The following ZMYM4 variants were observed in gnomAD, a reference collection of about 807,000 sequenced individuals.
ZMYM4 encodes zinc finger MYM-type containing 4.
In ZMYM4, 31 loss-of-function variants were observed where a neutral mutation model predicts 183.2. The observed-to-expected ratio is 0.17, with a 90% CI of 0.13 to 0.23. ZMYM4 has a LOEUF of 0.23. Ranked by LOEUF, ZMYM4 falls within the 10% of genes least tolerant of loss-of-function variation. The probability of loss-of-function intolerance (pLI) is 1.00; values close to 1 mark genes in which losing one functional copy is unlikely to be tolerated. For missense variants in ZMYM4, 1,273 were observed against 1,840.3 expected (o/e 0.69, Z 5.64); for synonymous variants, 592 against 631.2 (o/e 0.94, Z 0.93).
Position 35,387,446 on chromosome 1 carries a change from C to T in ZMYM4, c.2113-8C>T. On this transcript the variant is annotated splice_polypyrimidine_tract_variant and splice_region_variant and intron_variant, in intron 12 of 29. Transcript: ENST00000314607. Reference sequence around the variant, plus strand: ...TTTAATTAGTACTTAATGATTATTTCTTTGCAGGGCAAAATGTTTCAGTTC... The same window carrying T: ...TTTAATTAGTACTTAATGATTATTTTTTTGCAGGGCAAAATGTTTCAGTTC... 3 of 1,598,688 alleles carry T rather than the reference C, an allele frequency of 1.9e-6. No homozygotes were observed. Among genetic ancestry groups the T allele is most frequent in the Non-Finnish European group, 2.6e-6 (3 of 1,174,604 alleles).
At chr1:35,370,000 G>A (rs1222273779) in intron 5 of ZMYM4, 29 bp from the exon 6 acceptor site, 2 of 1,502,720 alleles carry the variant, frequency 1.3e-6, no homozygotes, top group Non-Finnish European at 1.8e-6. Context: ...TTTTCTCTAT[G>A]TATTTATTTA....
chr1:35,297,810 C>A (rs1641092858), intron 1 of ZMYM4, among the ~76,000 whole-genome samples: 1 of 152,180 alleles, frequency 6.6e-6, no homozygotes, highest in Non-Finnish European at 1.5e-5. Context: ...TATACTCAAG[C>A]CTAAGGACAC....
chr1:35,315,795 A>G (rs1362209486), intron 1 of ZMYM4, among the ~76,000 whole-genome samples: 1 of 152,024 alleles, frequency 6.6e-6, no homozygotes, highest in Non-Finnish European at 1.5e-5. Context: ...AATTCACTGG[A>G]TGTACCTGTA....
intron 26 of ZMYM4, among the ~76,000 whole-genome samples, chr1:35,410,695 A>G (rs1288032625): frequency 7.2e-6 from 1 of 138,254 alleles, no homozygotes; most frequent in Non-Finnish European, 1.5e-5. Flanking sequence ...GTTTCACAGT[A>G]TTAGCCAGGA....
rs199573548 is a variant in ZMYM4 at position 35,390,079 on chromosome 1, G to T, written c.2568G>T (p.Pro856=). 1.2e-6 allele frequency: 2 copies of T among 1,613,044 alleles called. No homozygotes were observed. The highest frequency in any genetic ancestry group is 3.3e-5 in the Admixed American group (2 of 59,888). The change falls in exon 15 of 30, where the codon CCG becomes CCT. Residue 856 remains proline (P), a synonymous_variant. Coordinates refer to ENST00000314607, the MANE Select transcript of ZMYM4 (RefSeq NM_005095.3). ...GTAATCAGCAAAGTGTATGTGACCCGCCTTCACAAAATAATGCAGGTAAAA... is the reference window on the plus strand; with the variant it reads ...GTAATCAGCAAAGTGTATGTGACCCTCCTTCACAAAATAATGCAGGTAAAA... ...MFCNQQSVCD[P]PSQNNAANIS... is the part of the protein sequence containing the mutation.
At chr1:35,302,777 T>A (rs1641350242) in intron 1 of ZMYM4, among the ~76,000 whole-genome samples, 1 of 152,022 alleles carries the variant, frequency 6.6e-6, no homozygotes, top group African/African-American at 2.4e-5. Context: ...AGCCTTGACC[T>A]CCTAAAGTGC....
intron 2 of ZMYM4, among the ~76,000 whole-genome samples, chr1:35,348,152 G>C (rs924794205): frequency 6.6e-6 from 1 of 152,148 alleles, no homozygotes; most frequent in Non-Finnish European, 1.5e-5. Flanking sequence ...GTACTTCAAA[G>C]TCATAATTTT....
intron 25 of ZMYM4, among the ~76,000 whole-genome samples, chr1:35,407,685 C>A (rs1163190229): frequency 6.6e-6 from 1 of 152,164 alleles, no homozygotes; most frequent in Non-Finnish European, 1.5e-5. Flanking sequence ...ACCTGTTTAA[C>A]TCTTCCTCAC....
intron 7 of ZMYM4, among the ~76,000 whole-genome samples, chr1:35,379,442 GCTAGACTCGTCTCCAACTC>G (rs1644403887): frequency 6.6e-6 from 1 of 152,104 alleles, no homozygotes; most frequent in South Asian, 2.1e-4. Flanking sequence ...CACCATGTTG[GCTAGACTCGTCTCCAACTC>G]CTGACCCCAG....
intron 9 of ZMYM4, among the ~76,000 whole-genome samples, chr1:35,384,377 T>C (rs1008255381): frequency 1.3e-5 from 2 of 152,214 alleles, no homozygotes; most frequent in Non-Finnish European, 2.9e-5. Flanking sequence ...ATATCAAGTT[T>C]TACAAATTGA....
At chr1:35,291,574 C>T (rs1640762354) in intron 1 of ZMYM4, among the ~76,000 whole-genome samples, 2 of 151,404 alleles carry the variant, frequency 1.3e-5, no homozygotes, top group Admixed American at 6.6e-5. Context: ...CTTTCTTTTC[C>T]CTTTTGTCTC....
At chr1:35,397,572 AAG>A in intron 20 of ZMYM4, 27 bp downstream of exon 20, 1 of 1,559,330 alleles carries the variant, frequency 6.4e-7, no homozygotes, top group Non-Finnish European at 8.6e-7. Flanking sequence ...AAAGTAAAGA[AAG>A]AAAAAACACG....
At chr1:35,294,667 T>C (rs1361136213) in intron 1 of ZMYM4, among the ~76,000 whole-genome samples, 2 of 152,210 alleles carry the variant, frequency 1.3e-5, no homozygotes, top group African/African-American at 4.8e-5. Context: ...CTTTTTCTTA[T>C]TCCAAATGCC....
chr1:35,347,802 A>G (rs573702417), intron 2 of ZMYM4, among the ~76,000 whole-genome samples: 1 of 152,308 alleles, frequency 6.6e-6, no homozygotes, highest in East Asian at 1.9e-4. Context: ...TGCTTCTGCA[A>G]TTATTGGCAA....
At chr1:35,279,087 T>C (rs538817626) in intron 1 of ZMYM4, among the ~76,000 whole-genome samples, 15 of 152,338 alleles carry the variant, frequency 9.8e-5, no homozygotes, top group Admixed American at 2.0e-4. Flanking sequence ...ATGGAGGCTC[T>C]GTCTGCAGCT....
At position 35,398,545 on chromosome 1, in the gene ZMYM4, A is replaced by G. The variant is rs905937249; in HGVS notation, c.3253+79A>G. 2.0e-5 allele frequency: 25 copies of G among 1,281,850 alleles called. No homozygotes were observed. The Admixed American group carries it at 2.0e-4, about 10-fold the overall frequency. 79.4% of individuals were successfully genotyped at this position (1,281,850 alleles called of 1,614,324 possible). ...ACCTATAAAATATTAGTACCCTTGG[A>G]TTTCATATTTGTAATTTTAACTATT... On this transcript the variant is annotated intron_variant, in intron 21 of 29. Transcript: ENST00000314607.
intron 2 of ZMYM4, among the ~76,000 whole-genome samples, chr1:35,356,399 C>T (rs1234025260): frequency 1.3e-5 from 2 of 152,076 alleles, no homozygotes; most frequent in Non-Finnish European, 2.9e-5. Flanking sequence ...AATGATGAAA[C>T]GTTGAGATGG....
At chr1:35,362,577 T>A (rs950576655) in intron 5 of ZMYM4, among the ~76,000 whole-genome samples, 3 of 152,252 alleles carry the variant, frequency 2.0e-5, no homozygotes, top group Admixed American at 6.5e-5. Context: ...ATGAATTGGC[T>A]CTTTTTCTGA....
In ZMYM4 at chr1:35,351,688, T is replaced by C. The variant is rs145811511; in HGVS notation, c.86-7237T>C. 33 of 482,206 alleles carry C rather than the reference T, an allele frequency of 6.8e-5. 2 individuals are homozygous for C. The highest frequency in any genetic ancestry group is 3.3e-4 in the African/African-American group (17 of 50,944). The allele number at this position is 482,206 out of a possible 1,614,324, so 29.9% of individuals were successfully genotyped here. On this transcript the variant is annotated intron_variant, in intron 2 of 29. Coordinates refer to ENST00000314607, the MANE Select transcript of ZMYM4 (RefSeq NM_005095.3). ...CAACAACAACAACAAAAAACAGAAA[T>C]CAAAAAAACAAAAAACAAAAATGTG...
Sources: allele counts gnomAD v4.1 joint callset (sites outside exome capture counted in the v4.1 genomes callset), GRCh38; gene constraint gnomAD v4.1.1; transcripts MANE v1.5; gene names NCBI Gene and HGNC (gene_info 2026-07-23, HGNC 2026-07-21).